TBXAS1: variants seen among roughly 807,000 people sequenced by gnomAD.
TBXAS1 encodes the protein thromboxane-A synthase.
TBXAS1 carries 48 observed loss-of-function variants against 60.7 expected under a neutral mutation model. The ratio of observed to expected loss-of-function variants is 0.79; its 90% CI spans 0.63 to 1.01. The LOEUF is 1.01. Among genes scored for constraint, TBXAS1 ranks in the 50% least tolerant of loss-of-function variants. TBXAS1 has a pLI of 0.00. For missense variants in TBXAS1, 685 were observed against 686.3 expected, an observed-to-expected ratio of 1.00 and a Z score of 0.02; for synonymous variants, 287 against 269.7, an observed-to-expected ratio of 1.06 and a Z score of -0.63.
At chr7:139,899,566 C>T (rs1272962349) in intron 3 of TBXAS1, among the ~76,000 whole-genome samples, 1 of 152,206 alleles carries the variant, frequency 6.6e-6, no homozygotes, top group Admixed American at 6.5e-5. Flanking sequence ...TCTCTTCAAC[C>T]AGGTGCTTTG....
At chr7:139,857,902 A>T (rs1042988145) in intron 1 of TBXAS1, among the ~76,000 whole-genome samples, 5 of 151,666 alleles carry the variant, frequency 3.3e-5, no homozygotes, top group Non-Finnish European at 5.9e-5. Flanking sequence ...GGCAATTTTT[A>T]AAAATTTTTT....
At chr7:139,872,388 C>A (rs2116812359) in intron 2 of TBXAS1, 60 bp downstream of exon 2, 1 of 1,529,738 alleles carries the variant, frequency 6.5e-7, no homozygotes, top group Non-Finnish European at 9.0e-7. Flanking sequence ...GGCACAGTGG[C>A]TCATGGCTGT....
At chr7:139,804,319 A>G (rs944598509) in intron 4 of TBXAS1, among the ~76,000 whole-genome samples, 1 of 152,192 alleles carries the variant, frequency 6.6e-6, no homozygotes, top group Admixed American at 6.5e-5. Flanking sequence ...AATTTCTCCC[A>G]TTTGAAATGG....
intron 3 of TBXAS1, among the ~76,000 whole-genome samples, chr7:139,890,475 A>G (rs1041592336): frequency 6.6e-6 from 1 of 151,974 alleles, no homozygotes; most frequent in Non-Finnish European, 1.5e-5. Flanking sequence ...TCGGCCTCCC[A>G]AAGTGCTGGG....
chr7:139,879,843 T>TGTGTGTGTGC (rs2116862859), intron 3 of TBXAS1, among the ~76,000 whole-genome samples: 1 of 70,028 alleles, frequency 1.4e-5, no homozygotes, highest in East Asian at 4.0e-4. Flanking sequence ...TGTGTGTGTG[T>TGTGTGTGTGC]GTGTGTGTGT....
At chr7:139,969,254 T>C (rs1811015482) in intron 9 of TBXAS1, among the ~76,000 whole-genome samples, 1 of 152,202 alleles carries the variant, frequency 6.6e-6, no homozygotes. Context: ...TTCTTAAAAC[T>C]TCTCTTGAAG....
intron 3 of TBXAS1, among the ~76,000 whole-genome samples, chr7:139,783,450 G>C (rs1363207714): frequency 6.6e-6 from 1 of 152,120 alleles, no homozygotes; most frequent in Non-Finnish European, 1.5e-5. Flanking sequence ...GGGAATGGCA[G>C]ATTAGGATGG....
At chr7:139,949,702 T>C (rs1328143395) in intron 5 of TBXAS1, among the ~76,000 whole-genome samples, 7 of 152,246 alleles carry the variant, frequency 4.6e-5, no homozygotes, top group Non-Finnish European at 1.0e-4. Context: ...GTCATACTTA[T>C]TTTTCTTTTT....
chr7:139,796,082 A>G (rs1482246412), intron 4 of TBXAS1, among the ~76,000 whole-genome samples: 4 of 152,194 alleles, frequency 2.6e-5, no homozygotes, highest in African/African-American at 9.6e-5. Flanking sequence ...TCTAGATCAC[A>G]TTTGTTTAGA....
rs757190665 is a variant in TBXAS1 at position 139,955,495 on chromosome 7, C to T, written c.576C>T (p.Ser192=). The T allele has an allele frequency of 2.5e-5, 40 of 1,614,110 alleles. No individual in the cohort carries two copies. Among genetic ancestry groups the T allele is most frequent in the African/African-American group, 5.3e-5 (4 of 74,948 alleles). ...YCNYTTDVVA[S]VAFGTPVDSW... is the part of the protein sequence containing the mutation. The stretch of plus-strand genomic sequence containing the variant: ...ATTACACCACAGATGTGGTTGCCAG[C>T]GTCGCCTTTGGCACCCCGGTGGACT... Residue 192 remains serine (S), a synonymous_variant, in exon 7 of 13, where the codon AGC becomes AGT. Transcript: ENST00000448866.
At chr7:139,875,248 A>AG (rs973597017) in intron 2 of TBXAS1, among the ~76,000 whole-genome samples, 12 of 152,260 alleles carry the variant, frequency 7.9e-5, no homozygotes, top group African/African-American at 2.9e-4. Flanking sequence ...AGTTACATAT[A>AG]GTGGCAGTAA....
chr7:139,980,983 T>G (rs1461365423), intron 9 of TBXAS1, among the ~76,000 whole-genome samples: 1 of 151,314 alleles, frequency 6.6e-6, no homozygotes, highest in African/African-American at 2.4e-5. Context: ...ATACTGGTAG[T>G]ATATTTTTTT....
chr7:139,819,631 T>A, intron 4 of TBXAS1, among the ~76,000 whole-genome samples: 1 of 152,164 alleles, frequency 6.6e-6, no homozygotes, highest in South Asian at 2.1e-4. Context: ...GCCTCCCTAG[T>A]AACTGGGATT....
At chr7:140,016,002 G>A in intron 11 of TBXAS1, 142 bp downstream of exon 11, 1 of 1,210,404 alleles carries the variant, frequency 8.3e-7, no homozygotes, top group Non-Finnish European at 1.2e-6. Flanking sequence ...TCAGATAGAT[G>A]TTTGCAAGAC....
intron 3 of TBXAS1, among the ~76,000 whole-genome samples, chr7:139,884,834 G>A (rs141740876): frequency 2.0e-5 from 3 of 152,354 alleles, no homozygotes; most frequent in African/African-American, 7.2e-5. Flanking sequence ...GGTCTCAGCG[G>A]TGAGGGCTCT....
intron 9 of TBXAS1, among the ~76,000 whole-genome samples, chr7:140,006,407 T>G (rs985567109): frequency 2.0e-5 from 3 of 152,160 alleles, no homozygotes; most frequent in Middle Eastern, 3.2e-3. Context: ...TTGCACCCCC[T>G]GAAATCTAAT....
chr7:140,019,265 T>A (rs1815345614), intron 12 of TBXAS1, among the ~76,000 whole-genome samples: 1 of 152,070 alleles, frequency 6.6e-6, no homozygotes, highest in South Asian at 2.1e-4. Context: ...GAGGGGCAGA[T>A]CGGCAGAGCA....
At chr7:139,857,369 A>G (rs1800653048) in intron 1 of TBXAS1, among the ~76,000 whole-genome samples, 1 of 152,002 alleles carries the variant, frequency 6.6e-6, no homozygotes. Context: ...TCTCCATCCT[A>G]TAAAAGAGTT....
chr7:139,952,646 T>G, intron 5 of TBXAS1: 1 of 1,537,042 alleles, frequency 6.5e-7, no homozygotes, highest in South Asian at 1.2e-5. Context: ...CGAAGCCGAG[T>G]GGTATCTATG....
Sources: allele counts gnomAD v4.1 joint callset (sites outside exome capture counted in the v4.1 genomes callset), GRCh38; gene constraint gnomAD v4.1.1; transcripts MANE v1.5; gene names NCBI Gene and HGNC (gene_info 2026-07-23, HGNC 2026-07-21).